The following VRK1 variants were observed in gnomAD, a reference collection of about 807,000 sequenced individuals.
VRK1 encodes serine/threonine-protein kinase VRK1.
VRK1 carries 33 observed loss-of-function variants against 57.1 expected under a neutral mutation model. That is an observed-to-expected ratio of 0.58 (90% confidence interval 0.44 to 0.77). VRK1 has a LOEUF of 0.77. VRK1 is among the 30% of genes least tolerant of loss of function. VRK1 has a pLI of 0.00. For synonymous variants in VRK1, 137 were observed against 147.8 expected (o/e 0.93, Z 0.53); for missense variants, 413 against 477.3 (o/e 0.87, Z 1.25).
chr14:96,872,488 A>C (rs58514314), intron 11 of VRK1, among the ~76,000 whole-genome samples: 51,022 of 152,066 alleles, frequency 0.34, 10,035 homozygotes, highest in East Asian at 0.85. Context: ...TACATGAAAT[A>C]CACAAATGTG....
chr14:96,840,725 A>T (rs1020176626), intron 3 of VRK1, among the ~76,000 whole-genome samples: 7 of 152,156 alleles, frequency 4.6e-5, no homozygotes, highest in Admixed American at 3.9e-4. Context: ...GGTTCAAATG[A>T]TATGGTTACC....
At chr14:96,807,923 C>G (rs1306143267) in intron 1 of VRK1, among the ~76,000 whole-genome samples, 1 of 152,026 alleles carries the variant, frequency 6.6e-6, no homozygotes, top group East Asian at 1.9e-4. Context: ...AAGTCACTCT[C>G]TCTGTCTCTC....
At chr14:96,815,691 C>G (rs569580050) in intron 1 of VRK1, among the ~76,000 whole-genome samples, 3 of 151,554 alleles carry the variant, frequency 2.0e-5, no homozygotes, top group Non-Finnish European at 4.4e-5. Flanking sequence ...TGAGACCAAC[C>G]TGGGCAACAT....
At chr14:96,818,606 G>A (rs1216776407) in intron 1 of VRK1, among the ~76,000 whole-genome samples, 1 of 151,984 alleles carries the variant, frequency 6.6e-6, no homozygotes, top group Non-Finnish European at 1.5e-5. Flanking sequence ...ATATCTCATG[G>A]TTTGTTGTGT....
intron 12 of VRK1, among the ~76,000 whole-genome samples, chr14:96,880,549 A>T (rs1889221302): frequency 6.6e-6 from 1 of 152,182 alleles, no homozygotes; most frequent in South Asian, 2.1e-4. Context: ...CCCAGCAGAG[A>T]GTCATTGATT....
At position 96,846,162 on chromosome 14, in the gene VRK1, A is replaced by C. The variant is rs1887677369; in HGVS notation, c.284A>C (p.Gln95Pro). ...KFYQRAAKPEQIQKWIRTRKL... is the reference protein window; with the variant it reads ...KFYQRAAKPEPIQKWIRTRKL... Reference sequence around the variant, plus strand: ...TACCAACGAGCTGCAAAACCAGAGCAAAGTAAGAAATACAGTACACATACG... The same window carrying C: ...TACCAACGAGCTGCAAAACCAGAGCCAAGTAAGAAATACAGTACACATACG... Residue 95 changes from glutamine (Q) to proline (P), a missense_variant and splice_region_variant, in exon 4 of 13, where the codon CAA becomes CCA. Physicochemically the swap from Gln to Pro is moderately conservative, Grantham distance 76. This residue lies in a region of VRK1 where 116 missense variants were observed against 113.6 expected (regional missense o/e 1.02). Coordinates refer to ENST00000216639, the MANE Select transcript of VRK1 (RefSeq NM_003384.3). 1 of 1,613,316 alleles carries C rather than the reference A, an allele frequency of 6.2e-7. No individual in the cohort carries two copies. The highest frequency in any genetic ancestry group is 8.5e-7 in the Non-Finnish European group (1 of 1,179,464).
intron 10 of VRK1, among the ~76,000 whole-genome samples, chr14:96,860,053 T>G (rs909763660): frequency 7.2e-5 from 11 of 152,144 alleles, no homozygotes; most frequent in African/African-American, 2.7e-4. Context: ...GGAAGCTGAT[T>G]TTTCTCTTTT....
chr14:96,825,763 A>T (rs1033333223), intron 1 of VRK1, among the ~76,000 whole-genome samples: 1 of 152,212 alleles, frequency 6.6e-6, no homozygotes, highest in Non-Finnish European at 1.5e-5. Flanking sequence ...GGTGGAGTCC[A>T]GTTTGTCCAG....
intron 7 of VRK1, among the ~76,000 whole-genome samples, chr14:96,854,579 C>T (rs1194689051): frequency 3.3e-5 from 5 of 151,960 alleles, no homozygotes; most frequent in African/African-American, 4.8e-5. Context: ...TATATGCCCA[C>T]GAATAAGTAT....
At chr14:96,860,109 T>C (rs1888325732) in intron 10 of VRK1, among the ~76,000 whole-genome samples, 1 of 152,126 alleles carries the variant, frequency 6.6e-6, no homozygotes, top group Admixed American at 6.5e-5. Context: ...TTGGCCTCTT[T>C]TTGGTGTGTT....
intron 3 of VRK1, 61 bp downstream of exon 3, chr14:96,837,878 A>G: frequency 7.9e-7 from 1 of 1,270,186 alleles, no homozygotes; most frequent in Non-Finnish European, 1.1e-6. Context: ...ATTTTGTAAA[A>G]TGCCTTTTTT....
chr14:96,826,723 C>G (rs995925293), intron 1 of VRK1, among the ~76,000 whole-genome samples: 2 of 152,156 alleles, frequency 1.3e-5, no homozygotes, highest in African/African-American at 4.8e-5. Flanking sequence ...TTGTTTAATT[C>G]TAATTAGTAT....
At chr14:96,805,929 C>G (rs912711989) in intron 1 of VRK1, among the ~76,000 whole-genome samples, 1 of 151,320 alleles carries the variant, frequency 6.6e-6, no homozygotes, top group East Asian at 1.9e-4. Flanking sequence ...TGAGATTGAC[C>G]AAGAATATTT....
At chr14:96,819,174 A>G (rs1886502974) in intron 1 of VRK1, among the ~76,000 whole-genome samples, 1 of 152,230 alleles carries the variant, frequency 6.6e-6, no homozygotes, top group South Asian at 2.1e-4. Flanking sequence ...TTAATCCCAA[A>G]TAAGTTTGAA....
rs5810782 is a variant in VRK1 at position 96,846,209 on chromosome 14, G to GT, written c.286+51dup. On this transcript the variant is annotated intron_variant, in intron 4 of 12. Coordinates refer to ENST00000216639, the MANE Select transcript of VRK1 (RefSeq NM_003384.3). ...TACGTTTACACTTTTAAAATGACCA[G>GT]TTTTTTGTTTTAAGCCAAGACCTAG... 4,343 of 1,587,372 alleles carry GT rather than the reference G, an allele frequency of 2.7e-3. 112 individuals are homozygous for GT. In the African/African-American group the frequency reaches 0.052, roughly 19 times the overall value.
At chr14:96,873,717 G>A (rs879285580) in intron 11 of VRK1, among the ~76,000 whole-genome samples, 6 of 152,192 alleles carry the variant, frequency 3.9e-5, no homozygotes, top group Non-Finnish European at 8.8e-5. Context: ...AAGAAGCTGG[G>A]AGCAGATTGC....
At chr14:96,866,131 T>C (rs1393353219) in intron 11 of VRK1, among the ~76,000 whole-genome samples, 2 of 152,166 alleles carry the variant, frequency 1.3e-5, no homozygotes, top group African/African-American at 4.8e-5. Context: ...TTATTCTATC[T>C]TATTCATATT....
chr14:96,878,838 C>T (rs972307641), intron 12 of VRK1, among the ~76,000 whole-genome samples: 1 of 152,134 alleles, frequency 6.6e-6, no homozygotes, highest in Non-Finnish European at 1.5e-5. Context: ...CTTTAAAAAT[C>T]ATGCATATTT....
chr14:96,876,776 CAAAAA>C (rs5810784), intron 12 of VRK1, among the ~76,000 whole-genome samples: 2 of 126,748 alleles, frequency 1.6e-5, no homozygotes, highest in Admixed American at 1.6e-4. Context: ...GTTCTTGAAG[CAAAAA>C]AAAAAAAAAA....
Sources: allele counts gnomAD v4.1 joint callset (sites outside exome capture counted in the v4.1 genomes callset), GRCh38; gene constraint gnomAD v4.1.1; regional missense constraint gnomAD v4.1.1; transcripts MANE v1.5; gene names NCBI Gene and HGNC (gene_info 2026-07-23, HGNC 2026-07-21).